The following PCDHA10 variants were observed in gnomAD, a reference collection of about 807,000 sequenced individuals.
PCDHA10 encodes the protein protocadherin alpha-10.
PCDHA10 carries 45 observed loss-of-function variants against 61.2 expected under a neutral mutation model. The ratio of observed to expected loss-of-function variants is 0.74; its 90% CI spans 0.58 to 0.94. The LOEUF (loss-of-function observed/expected upper bound fraction) is 0.94. Ranked by LOEUF, PCDHA10 falls within the 40% of genes least tolerant of loss-of-function variation. The pLI is 0.00. For missense variants in PCDHA10, 1,278 were observed against 1,236.2 expected, an observed-to-expected ratio of 1.03 and a Z score of -0.51; for synonymous variants, 602 against 548.8, an observed-to-expected ratio of 1.10 and a Z score of -1.35.
chr5:141,003,574 A>T (rs559561339), intron 3 of PCDHA10, among the ~76,000 whole-genome samples: 1 of 151,680 alleles, frequency 6.6e-6, no homozygotes, highest in African/African-American at 2.4e-5. Context: ...CAGACTCCCA[A>T]AGTGCTGGGA....
At chr5:140,874,834 T>C (rs756394440) in intron 1 of PCDHA10, among the ~76,000 whole-genome samples, 17 of 152,260 alleles carry the variant, frequency 1.1e-4, no homozygotes, top group Non-Finnish European at 2.5e-4. Context: ...AAATATTGTT[T>C]GGTATTAGAC....
At chr5:141,003,658 A>G (rs1379758431) in intron 3 of PCDHA10, among the ~76,000 whole-genome samples, 2 of 152,212 alleles carry the variant, frequency 1.3e-5, no homozygotes, top group Non-Finnish European at 2.9e-5. Flanking sequence ...GTATGCATTT[A>G]TTAAAATATA....
intron 2 of PCDHA10, among the ~76,000 whole-genome samples, chr5:140,980,777 A>C (rs2096905451): frequency 6.6e-6 from 1 of 152,244 alleles, no homozygotes; most frequent in Non-Finnish European, 1.5e-5. Flanking sequence ...ATTGAAATTA[A>C]AATGCCATTT....
At chr5:140,871,679 A>G (rs2053261430) in intron 1 of PCDHA10, 2 of 1,116,800 alleles carry the variant, frequency 1.8e-6, no homozygotes, top group Admixed American at 3.1e-5. Flanking sequence ...TAATCATATG[A>G]ATAATCTGGC....
chr5:140,980,734 T>C (rs2096903764), intron 2 of PCDHA10, among the ~76,000 whole-genome samples: 3 of 151,998 alleles, frequency 2.0e-5, no homozygotes, highest in African/African-American at 4.8e-5. Context: ...TAAGATATTA[T>C]GAGATTTGAG....
At chr5:140,895,092 G>A (rs2064837860) in intron 1 of PCDHA10, among the ~76,000 whole-genome samples, 1 of 152,090 alleles carries the variant, frequency 6.6e-6, no homozygotes, top group Admixed American at 6.5e-5. Flanking sequence ...CCTCAGTATA[G>A]GGGTTTTTGC....
At chr5:140,884,689 T>C (rs1290961484) in intron 1 of PCDHA10, 11 of 1,534,282 alleles carry the variant, frequency 7.2e-6, no homozygotes, top group Non-Finnish European at 9.6e-6. Flanking sequence ...AAAAATTGTC[T>C]TAGTAAACAC....
chr5:140,970,967 G>C (rs2096448125), intron 1 of PCDHA10, among the ~76,000 whole-genome samples: 2 of 152,206 alleles, frequency 1.3e-5, no homozygotes, highest in Non-Finnish European at 2.9e-5. Context: ...GCAGATTGTA[G>C]ATTAAGAAAA....
intron 1 of PCDHA10, among the ~76,000 whole-genome samples, chr5:140,963,141 A>T (rs2095739692): frequency 6.6e-6 from 1 of 152,148 alleles, no homozygotes; most frequent in Non-Finnish European, 1.5e-5. Flanking sequence ...AATTATTTGG[A>T]TGAATTTAAA....
At chr5:141,005,469 C>T (rs549630927) in intron 3 of PCDHA10, among the ~76,000 whole-genome samples, 2 of 151,656 alleles carry the variant, frequency 1.3e-5, no homozygotes, top group South Asian at 2.1e-4. Flanking sequence ...TTTGGGAGGC[C>T]GAGACGGGCG....
intron 3 of PCDHA10, among the ~76,000 whole-genome samples, chr5:141,003,132 C>G (rs1391034413): frequency 6.6e-6 from 1 of 152,208 alleles, no homozygotes; most frequent in African/African-American, 2.4e-5. Flanking sequence ...CTGGCATTTG[C>G]CTTGGCAAAG....
rs1554204518 is a variant in PCDHA10 at position 140,927,427 on chromosome 5, G to A, written c.2389-51522G>A. Reference sequence around the variant, plus strand: ...CCTGGACATGGGATCGCGGGTTGACGGCAGCGAATACCCGGAGTTGGTGTT... The same window carrying A: ...CCTGGACATGGGATCGCGGGTTGACAGCAGCGAATACCCGGAGTTGGTGTT... On this transcript the variant is annotated intron_variant, in intron 1 of 3. Transcript: ENST00000307360. 1.2e-6 allele frequency: 2 copies of A among 1,614,114 alleles called. No homozygotes were observed. Among genetic ancestry groups the A allele is most frequent in the Non-Finnish European group, 1.7e-6 (2 of 1,179,974 alleles).
At chr5:140,982,608 T>G (rs782789536) in intron 3 of PCDHA10, 45 bp downstream of exon 3, 2 of 1,601,306 alleles carry the variant, frequency 1.2e-6, no homozygotes, top group South Asian at 2.2e-5. Flanking sequence ...TTCTGGAAAG[T>G]GATCAGATGA....
intron 1 of PCDHA10, chr5:140,883,577 G>C: frequency 1.2e-6 from 2 of 1,614,052 alleles, no homozygotes; most frequent in South Asian, 1.1e-5. Context: ...TTCGCTGTGG[G>C]CCACGGCCAG....
intron 1 of PCDHA10, among the ~76,000 whole-genome samples, chr5:140,906,736 AT>A (rs1330405649): frequency 6.6e-6 from 1 of 152,132 alleles, no homozygotes; most frequent in Non-Finnish European, 1.5e-5. Flanking sequence ...GTAGTTTCCC[AT>A]TGACACAGGG....
Position 140,877,166 on chromosome 5 carries a change from TGCTGGCGACTCCG to T in PCDHA10, c.2388+18737_2388+18749del, listed in dbSNP as rs2056906844. The T allele has an allele frequency of 1.9e-6, 3 of 1,613,836 alleles. No individual in the cohort carries two copies. In the East Asian group the frequency reaches 6.7e-5, roughly 36 times the overall value. On this transcript the variant is annotated intron_variant, in intron 1 of 3. Coordinates refer to ENST00000307360, the MANE Select transcript of PCDHA10 (RefSeq NM_018901.4). The stretch of plus-strand genomic sequence containing the variant: ...GACGAGAACGACAACGCGCCGGCAC[TGCTGGCGACTCCG>T]GCTGGCAGCGCAGGAGGCGCAGTTA...
At chr5:140,940,566 G>T (rs1226026261) in intron 1 of PCDHA10, among the ~76,000 whole-genome samples, 1 of 151,754 alleles carries the variant, frequency 6.6e-6, no homozygotes, top group African/African-American at 2.4e-5. Flanking sequence ...CTCCTACCTT[G>T]GCTCCCAAAG....
chr5:140,948,959 C>T (rs1315047565), intron 1 of PCDHA10, among the ~76,000 whole-genome samples: 13 of 151,622 alleles, frequency 8.6e-5, no homozygotes, highest in South Asian at 6.2e-4. Context: ...ATTAAAGCCA[C>T]GAATTTATTA....
intron 1 of PCDHA10, among the ~76,000 whole-genome samples, chr5:140,887,536 C>G (rs2153420652): frequency 6.6e-6 from 1 of 152,238 alleles, no homozygotes; most frequent in African/African-American, 2.4e-5. Context: ...CTTCCTCTCC[C>G]CACCCCTCAT....
Sources: gnomAD v4.1 joint callset for allele counts (sites outside exome capture counted in the v4.1 genomes callset) on GRCh38, gnomAD v4.1.1 for gene constraint, MANE v1.5 for transcripts, NCBI Gene and HGNC (gene_info 2026-07-23, HGNC 2026-07-21) for gene names.